Variants in CCSER1 observed in about 807,000 individuals in gnomAD.
The protein encoded by CCSER1 is serine-rich coiled-coil domain-containing protein 1.
Under a neutral mutation model 82.0 loss-of-function variants are expected in CCSER1, and 41 were observed. The observed-to-expected ratio is 0.50, with a 90% CI of 0.39 to 0.65. The LOEUF (loss-of-function observed/expected upper bound fraction) is 0.65. CCSER1 is among the 30% of genes least tolerant of loss of function. The probability of loss-of-function intolerance (pLI) is 0.00; values close to 1 mark genes in which losing one functional copy is unlikely to be tolerated. For missense variants in CCSER1, 1,119 were observed against 1,064.2 expected (o/e 1.05, Z -0.72); for synonymous variants, 414 against 383.9 (o/e 1.08, Z -0.92).
At chr4:90,335,855 T>TGC (rs1419224298) in intron 3 of CCSER1, among the ~76,000 whole-genome samples, 1 of 152,188 alleles carries the variant, frequency 6.6e-6, no homozygotes, top group Non-Finnish European at 1.5e-5. Context: ...TGATTTTAAG[T>TGC]GGTCCTCCCG....
chr4:90,158,316 G>A (rs1728710805), intron 1 of CCSER1, among the ~76,000 whole-genome samples: 1 of 152,174 alleles, frequency 6.6e-6, no homozygotes, highest in Non-Finnish European at 1.5e-5. Flanking sequence ...AGGCTGCTCG[G>A]GGGTCAGGGG....
chr4:90,923,586 C>A, intron 9 of CCSER1, 139 bp downstream of exon 9: 1 of 589,638 alleles, frequency 1.7e-6, no homozygotes, highest in Non-Finnish European at 3.0e-6. Flanking sequence ...TGCTCTTAAA[C>A]AATCCCCAAA....
In CCSER1 at chr4:91,440,634, G is replaced by A. The variant is rs9943644; in HGVS notation, c.2218-157938G>A. Among the ~76,000 whole-genome samples, 14 of 152,144 alleles carry A rather than the reference G, an allele frequency of 9.2e-5. 1 individual carries two copies. In the South Asian group the frequency reaches 2.9e-3, roughly 32 times the overall value. On this transcript the variant is annotated intron_variant, in intron 10 of 10. Coordinates refer to ENST00000509176, the MANE Select transcript of CCSER1 (RefSeq NM_001145065.2). ...TAACTAAAATCAGAGCAGAACTGAA[G>A]GAAATAGAGACACAAAAAACCCTTC...
At chr4:90,870,520 C>T (rs1368121996) in intron 8 of CCSER1, among the ~76,000 whole-genome samples, 1 of 151,680 alleles carries the variant, frequency 6.6e-6, no homozygotes, top group African/African-American at 2.4e-5. Context: ...ACCATTTTTG[C>T]ATCCTGGAGA....
chr4:91,090,641 G>T (rs978615065), intron 10 of CCSER1, among the ~76,000 whole-genome samples: 42 of 152,274 alleles, frequency 2.8e-4, no homozygotes, highest in African/African-American at 9.6e-4. Flanking sequence ...TAATTCTTGG[G>T]CTTCCCATGG....
chr4:91,346,876 T>A (rs1172318540), intron 10 of CCSER1, among the ~76,000 whole-genome samples: 1 of 152,194 alleles, frequency 6.6e-6, no homozygotes, highest in Non-Finnish European at 1.5e-5. Flanking sequence ...ATATTTTGGG[T>A]ACCAGTCCAT....
chr4:91,578,071 T>C (rs1763534605), intron 10 of CCSER1, among the ~76,000 whole-genome samples: 1 of 151,992 alleles, frequency 6.6e-6, no homozygotes, highest in Non-Finnish European at 1.5e-5. Context: ...AGCACCCACC[T>C]GGGCTGCTTT....
At chr4:90,486,483 A>G (rs1252381616) in intron 5 of CCSER1, among the ~76,000 whole-genome samples, 1 of 152,224 alleles carries the variant, frequency 6.6e-6, no homozygotes, top group Admixed American at 6.5e-5. Flanking sequence ...GTGGTTGTCT[A>G]CACAGTTTTC....
chr4:91,101,117 G>A (rs1725015721), intron 10 of CCSER1, among the ~76,000 whole-genome samples: 2 of 152,270 alleles, frequency 1.3e-5, no homozygotes, highest in South Asian at 4.1e-4. Context: ...TGATAAAACA[G>A]CCTTAAATAT....
intron 6 of CCSER1, among the ~76,000 whole-genome samples, chr4:90,631,417 G>A (rs1178450794): frequency 6.6e-6 from 1 of 152,056 alleles, no homozygotes; most frequent in South Asian, 2.1e-4. Flanking sequence ...GCTAATAAAG[G>A]TACACCTTTC....
intron 10 of CCSER1, among the ~76,000 whole-genome samples, chr4:91,233,653 C>T (rs889051878): frequency 3.3e-5 from 5 of 151,888 alleles, no homozygotes; most frequent in Non-Finnish European, 5.9e-5. Context: ...TGAACTTCAG[C>T]TTTTTATTCA....
intron 10 of CCSER1, among the ~76,000 whole-genome samples, chr4:91,540,078 A>G (rs1032501766): frequency 2.6e-5 from 4 of 152,132 alleles, no homozygotes; most frequent in Admixed American, 2.0e-4. Flanking sequence ...AAAAATTGAT[A>G]TACTTCAAGA....
intron 6 of CCSER1, among the ~76,000 whole-genome samples, chr4:90,711,343 C>T (rs1282283908): frequency 6.6e-6 from 1 of 152,040 alleles, no homozygotes; most frequent in African/African-American, 2.4e-5. Context: ...GCCTGATTGT[C>T]CTGGCCAGAA....
chr4:91,353,168 G>T (rs1392197638), intron 10 of CCSER1, among the ~76,000 whole-genome samples: 1 of 152,172 alleles, frequency 6.6e-6, no homozygotes, highest in South Asian at 2.1e-4. Flanking sequence ...AGTTGTAGAA[G>T]GAAGGGCTTT....
At chr4:90,423,635 C>T (rs1388772449) in intron 4 of CCSER1, among the ~76,000 whole-genome samples, 4 of 152,036 alleles carry the variant, frequency 2.6e-5, no homozygotes, top group Admixed American at 2.0e-4. Context: ...CCACTATGCC[C>T]GGCTAACTTG....
intron 4 of CCSER1, among the ~76,000 whole-genome samples, chr4:90,455,290 G>T (rs1762020138): frequency 6.6e-6 from 1 of 152,178 alleles, no homozygotes; most frequent in Non-Finnish European, 1.5e-5. Context: ...TAGTGCAAAG[G>T]AATATAAGGC....
intron 1 of CCSER1, among the ~76,000 whole-genome samples, chr4:90,254,222 C>A (rs1188036818): frequency 6.6e-6 from 1 of 152,156 alleles, no homozygotes; most frequent in African/African-American, 2.4e-5. Context: ...AAAGCCAGAT[C>A]TTTTAGGAAG....
intron 10 of CCSER1, among the ~76,000 whole-genome samples, chr4:91,575,723 T>C (rs1284963422): frequency 6.6e-6 from 1 of 151,884 alleles, no homozygotes; most frequent in African/African-American, 2.4e-5. Context: ...AAAGGAGGCA[T>C]ACAATTTGTC....
chr4:90,814,199 G>A (rs1758711822), intron 7 of CCSER1, among the ~76,000 whole-genome samples: 1 of 152,296 alleles, frequency 6.6e-6, no homozygotes, highest in African/African-American at 2.4e-5. Context: ...GAGCAGCTGG[G>A]ATGCAGGCTG....
Sources: gnomAD v4.1 joint callset for allele counts (sites outside exome capture counted in the v4.1 genomes callset) on GRCh38, gnomAD v4.1.1 for gene constraint, MANE v1.5 for transcripts, NCBI Gene and HGNC (gene_info 2026-07-23, HGNC 2026-07-21) for gene names.